CHAF1A: variants seen among roughly 807,000 people sequenced by gnomAD.
CHAF1A encodes the protein CAF-1 subunit A.
A neutral mutation model predicts 93.2 loss-of-function variants in CHAF1A; 5 were observed. The ratio of observed to expected loss-of-function variants is 0.05; its 90% confidence interval spans 0.03 to 0.11. CHAF1A has a LOEUF of 0.11. Ranked by LOEUF, CHAF1A falls within the 10% of genes least tolerant of loss-of-function variation. The pLI is 1.00. For missense variants in CHAF1A, 1,102 were observed against 1,259.9 expected (o/e 0.87, Z 1.90); for synonymous variants, 504 against 510.3 (o/e 0.99, Z 0.17).
Position 4,422,666 on chromosome 19 carries a change from A to G in CHAF1A, c.1118A>G (p.Lys373Arg). Residue 373 changes from lysine (K) to arginine (R), a missense_variant, in exon 5 of 15, where the codon AAG becomes AGG. Transcript: ENST00000301280. The surrounding 1 kb of genome is among the most constrained non-coding windows in gnomAD (Gnocchi z 4.6). Reference sequence around the variant, plus strand: ...AAGCGGGCCAAGGAGGAGGCCAAGAAGAAGAAGGAGGAAGAGAAGGAGCTT... The same window carrying G: ...AAGCGGGCCAAGGAGGAGGCCAAGAGGAAGAAGGAGGAAGAGAAGGAGCTT... ...EAKRAKEEAK[K>R]KKEEEKELKE... The G allele has an allele frequency of 6.2e-7, 1 of 1,609,258 alleles. No individual in the cohort carries two copies. The highest frequency in any genetic ancestry group is 8.5e-7 in the Non-Finnish European group (1 of 1,177,784).
rs538147880 is a variant in CHAF1A at position 4,435,240 on chromosome 19, G to A, written c.2673+1701G>A. Among the ~76,000 whole-genome samples, 6 of 151,640 alleles carry A rather than the reference G, an allele frequency of 4.0e-5. No homozygotes were observed. In the South Asian group the frequency reaches 6.3e-4, roughly 16 times the overall value. ...CGAGTAGCTGGGACTACAGGTGCCC[G>A]CCACCACGCCCGGCTAATTTTTTGT... On this transcript the variant is annotated intron_variant, in intron 13 of 14. Transcript: ENST00000301280.
intron 12 of CHAF1A, among the ~76,000 whole-genome samples, 178 bp downstream of exon 12, chr19:4,432,385 G>A (rs1046554138): frequency 7.9e-5 from 12 of 152,114 alleles, no homozygotes; most frequent in African/African-American, 2.4e-4. Context: ...GCAGCAGGAC[G>A]AGGCAGGTCC....
At chr19:4,414,049 T>G (rs1392301522) in intron 3 of CHAF1A, among the ~76,000 whole-genome samples, 1 of 152,204 alleles carries the variant, frequency 6.6e-6, no homozygotes, top group Non-Finnish European at 1.5e-5. Context: ...GTGCCCAGAT[T>G]GCTGGAACTT....
At chr19:4,418,113 T>C in intron 4 of CHAF1A, 37 bp downstream of exon 4, 1 of 1,434,280 alleles carries the variant, frequency 7.0e-7, no homozygotes, top group Non-Finnish European at 9.7e-7. Context: ...ATTAACCTGC[T>C]GTGCTTTTTG....
chr19:4,428,682 G>A lies in CHAF1A; in HGVS notation c.1396G>A (p.Gly466Arg). 6.2e-7 allele frequency: 1 copy of A among 1,614,024 alleles called. No individual in the cohort carries two copies. Reference protein sequence around the residue: ...QAPKTLAGSCGKFAPFEIKEH... With the variant: ...QAPKTLAGSCRKFAPFEIKEH... ...ATTTCAGACCCTGGCCGGCTCCTGT[G>A]GGAAGTTTGCCCCCTTTGAAATTAA... Residue 466 changes from glycine (G) to arginine (R), a missense_variant, in exon 8 of 15, where the codon GGG (glycine) becomes AGG (arginine). Transcript: ENST00000301280.
intron 7 of CHAF1A, among the ~76,000 whole-genome samples, chr19:4,425,387 G>A (rs1442642083): frequency 1.3e-5 from 2 of 151,904 alleles, no homozygotes; most frequent in African/African-American, 2.4e-5. Context: ...CGAGTAGCTG[G>A]GATTACAGGT....
intron 13 of CHAF1A, among the ~76,000 whole-genome samples, chr19:4,439,230 G>A (rs528298508): frequency 6.6e-5 from 10 of 151,374 alleles, no homozygotes; most frequent in East Asian, 3.9e-4. Flanking sequence ...CAGTTGAGCC[G>A]AGATTGTGCC....
intron 13 of CHAF1A, among the ~76,000 whole-genome samples, chr19:4,436,023 C>T (rs896417275): frequency 6.6e-6 from 1 of 152,098 alleles, no homozygotes; most frequent in Admixed American, 6.6e-5. Flanking sequence ...CCTGTAATCT[C>T]AGCTACTCGG....
At chr19:4,404,036 G>A (rs1185336751) in intron 1 of CHAF1A, among the ~76,000 whole-genome samples, 1 of 151,534 alleles carries the variant, frequency 6.6e-6, no homozygotes, top group Non-Finnish European at 1.5e-5. Context: ...GGGCAGGCTG[G>A]TCTCGAACTT....
rs1973602154 is a variant in CHAF1A, at chr19:4,402,665, G to C, written c.-98G>C. The C allele has an allele frequency of 1.3e-6, 1 of 794,570 alleles. No homozygotes were observed. The highest frequency in any genetic ancestry group is 1.7e-6 in the Non-Finnish European group (1 of 605,582). 49.2% of individuals were successfully genotyped at this position (794,570 alleles called of 1,614,324 possible). ...CAAATACGAGCGCGGCGGCCGCGGC[G>C]GCAGCAGCGGCGCGGGCGGGAGGGC... is the stretch of plus-strand genomic sequence containing the variant. On this transcript the variant is annotated 5_prime_UTR_variant, in exon 1 of 15. Coordinates refer to ENST00000301280, the MANE Select transcript of CHAF1A (RefSeq NM_005483.3).
chr19:4,405,428 T>C (rs1398350680), intron 1 of CHAF1A, among the ~76,000 whole-genome samples: 2 of 152,006 alleles, frequency 1.3e-5, no homozygotes, highest in East Asian at 3.9e-4. Context: ...GCTAACATGG[T>C]GAAACCCCGT....
chr19:4,436,296 TCATAACATC>T (rs1335992099), intron 13 of CHAF1A, among the ~76,000 whole-genome samples: 1 of 152,162 alleles, frequency 6.6e-6, no homozygotes, highest in Non-Finnish European at 1.5e-5. Context: ...GGAGGGGCCA[TCATAACATC>T]CCAAAGGGTC....
intron 8 of CHAF1A, chr19:4,429,127 T>G (rs951496335): frequency 5.4e-5 from 32 of 591,810 alleles, no homozygotes; most frequent in Non-Finnish European, 9.0e-5. Flanking sequence ...ATTTCCCTGC[T>G]GGTCTCCAGT....
intron 11 of CHAF1A, 154 bp downstream of exon 11, chr19:4,430,795 C>T: frequency 2.7e-6 from 2 of 731,032 alleles, no homozygotes; most frequent in Admixed American, 2.6e-5. Context: ...GTGGGAACAG[C>T]TGGGCCTGAA....
intron 2 of CHAF1A, among the ~76,000 whole-genome samples, chr19:4,406,909 A>C (rs1252352824): frequency 6.6e-6 from 1 of 151,984 alleles, no homozygotes; most frequent in Non-Finnish European, 1.5e-5. Flanking sequence ...TGGATGACAG[A>C]GGAAGACTCT....
At chr19:4,446,152 A>G (rs774546745), downstream of CHAF1A, 1 of 1,610,784 alleles carries the variant, frequency 6.2e-7, no homozygotes, top group Non-Finnish European at 8.5e-7. Flanking sequence ...GGCCTCCCGG[A>G]CGAACCCGTA....
chr19:4,429,845 C>A, intron 10 of CHAF1A, 57 bp downstream of exon 10: 1 of 1,467,356 alleles, frequency 6.8e-7, no homozygotes, highest in Non-Finnish European at 9.4e-7. Context: ...GAGTCTCTGT[C>A]CCACAGTGAG....
In CHAF1A at chr19:4,425,452, C is replaced by T. The variant is rs564659944; in HGVS notation, c.1377+1578C>T. The stretch of plus-strand genomic sequence containing the variant: ...TGTTTTTAGTAGAGACGGGGTTTCA[C>T]CATATTGGCCAGGCTGGTCTTGAAC... On this transcript the variant is annotated intron_variant, in intron 7 of 14. Transcript: ENST00000301280. Among the ~76,000 whole-genome samples, 16 of 152,202 alleles carry T rather than the reference C, an allele frequency of 1.1e-4. 1 individual carries two copies. The South Asian group carries it at 2.9e-3, about 28-fold the overall frequency.
intron 1 of CHAF1A, among the ~76,000 whole-genome samples, chr19:4,404,801 G>T (rs1237710742): frequency 7.0e-6 from 1 of 143,736 alleles, no homozygotes. Flanking sequence ...CTAAAGACTC[G>T]CTTCTATTTA....
Sources: allele counts gnomAD v4.1 joint callset (sites outside exome capture counted in the v4.1 genomes callset), GRCh38; gene constraint gnomAD v4.1.1; non-coding constraint Gnocchi (gnomAD v3.1); transcripts MANE v1.5; gene names NCBI Gene and HGNC (gene_info 2026-07-23, HGNC 2026-07-21).